Variants in DMD observed in about 807,000 individuals in gnomAD.
The protein encoded by DMD is mutant dystrophin.
A neutral mutation model predicts 330.1 loss-of-function variants in DMD; 63 were observed. That is an observed-to-expected ratio of 0.19 (90% CI 0.16 to 0.24). DMD has a LOEUF of 0.24. Among genes scored for constraint, DMD ranks in the 10% least tolerant of loss-of-function variants. The probability of loss-of-function intolerance (pLI) is 1.00; values close to 1 mark genes in which losing one functional copy is unlikely to be tolerated. For missense variants in DMD, 3,344 were observed against 2,684.1 expected (o/e 1.25, Z -5.43); for synonymous variants, 1,223 against 959.8 (o/e 1.27, Z -5.07).
At chrX:32,200,980 C>T (rs2097033052) in intron 44 of DMD, among the ~76,000 whole-genome samples, 1 of 111,288 alleles carries the variant, frequency 9.0e-6, no homozygotes, top group African/African-American at 3.3e-5. Context: ...CTCTCACTAC[C>T]AAATCCTGGA....
chrX:32,241,727 CAT>C (rs1314544977), intron 43 of DMD, among the ~76,000 whole-genome samples: 4 of 112,449 alleles, frequency 3.6e-5, no homozygotes, highest in Non-Finnish European at 5.6e-5. Context: ...TTGTCATCAA[CAT>C]ATATTTCTGT....
chrX:31,398,099 C>T (rs937053331), intron 60 of DMD, among the ~76,000 whole-genome samples: 5 of 112,288 alleles, frequency 4.5e-5, no homozygotes, highest in Admixed American at 9.4e-5. Context: ...GAGGATTATA[C>T]GCTTCATCTC....
At chrX:31,611,897 G>T (rs1471074250) in intron 55 of DMD, among the ~76,000 whole-genome samples, 1 of 111,088 alleles carries the variant, frequency 9.0e-6, no homozygotes, top group Non-Finnish European at 1.9e-5. Context: ...GTACATAGTA[G>T]GTGCATATAT....
In DMD at chrX:33,128,361, C is replaced by T. The variant is rs7050537; in HGVS notation, c.31+82921G>A. ...AGACAAACACACAATCTTTTTGCAC[C>T]TGTTTCTTCCACTCCGGTTGCCGTG... On this transcript the variant is annotated intron_variant, in intron 1 of 78. Coordinates refer to ENST00000357033, the MANE Select transcript of DMD (RefSeq NM_004006.3). The T allele has an allele frequency of 2.8e-3, 2,835 of 1,023,664 alleles. 57 individuals carry two copies. The African/African-American group carries it at 0.049, about 18-fold the overall frequency. 84.4% of individuals were successfully genotyped at this position (1,023,664 alleles called of 1,213,427 possible).
At chrX:32,337,308 G>A (rs895460045) in intron 41 of DMD, among the ~76,000 whole-genome samples, 10 of 109,484 alleles carry the variant, frequency 9.1e-5, no homozygotes, top group African/African-American at 1.3e-4. Flanking sequence ...GCCAATTAAC[G>A]TAGATGGGGG....
intron 2 of DMD, among the ~76,000 whole-genome samples, chrX:32,964,691 G>A (rs1345235767): frequency 1.8e-5 from 2 of 111,676 alleles, no homozygotes; most frequent in African/African-American, 6.5e-5. Flanking sequence ...CTGGGTGACA[G>A]AGCAAGACTC....
At chrX:32,287,780 A>C in intron 42 of DMD, 79 bp from the exon 43 acceptor site, 5 of 658,254 alleles carry the variant, frequency 7.6e-6, no homozygotes, top group Admixed American at 4.3e-5. Flanking sequence ...TATATATACA[A>C]ATCCCAAAGG....
intron 44 of DMD, among the ~76,000 whole-genome samples, chrX:32,066,125 A>G (rs977256224): frequency 2.7e-5 from 3 of 111,480 alleles, no homozygotes; most frequent in South Asian, 3.7e-4. Context: ...TAATTGTTCA[A>G]TATTTGTTCC....
intron 1 of DMD, among the ~76,000 whole-genome samples, chrX:33,271,388 T>G (rs905128806): frequency 9.0e-6 from 1 of 111,318 alleles, no homozygotes; most frequent in African/African-American, 3.3e-5. Context: ...GCTGAATATT[T>G]TTTAAGCACT....
intron 33 of DMD, 149 bp from the exon 34 acceptor site, chrX:32,380,829 T>A: frequency 2.0e-6 from 1 of 506,688 alleles, no homozygotes; most frequent in Admixed American, 4.0e-5. Flanking sequence ...AATCATATAT[T>A]CTGAATATTA....
intron 43 of DMD, among the ~76,000 whole-genome samples, chrX:32,228,338 A>G (rs2097155699): frequency 9.0e-6 from 1 of 111,564 alleles, no homozygotes; most frequent in Admixed American, 9.6e-5. Context: ...GATATTTGAA[A>G]ATTCCATCAT....
At chrX:32,502,955 T>A (rs2044210163) in intron 18 of DMD, among the ~76,000 whole-genome samples, 1 of 111,581 alleles carries the variant, frequency 9.0e-6, no homozygotes, top group Non-Finnish European at 1.9e-5. Context: ...ATTCAGCACT[T>A]GAAAGGTGGT....
At chrX:33,105,825 G>A (rs1025833797) in intron 1 of DMD, among the ~76,000 whole-genome samples, 1 of 111,674 alleles carries the variant, frequency 9.0e-6, no homozygotes, top group African/African-American at 3.2e-5. Context: ...ACTGCTGGTG[G>A]AAGTGTAAAT....
chrX:31,772,536 ACTACAT>A (rs1434143760), intron 51 of DMD, among the ~76,000 whole-genome samples: 27 of 112,272 alleles, frequency 2.4e-4, no homozygotes, highest in African/African-American at 8.4e-4. Context: ...TCTGACATAG[ACTACAT>A]CTACATCTAC....
chrX:32,309,163 C>T (rs2097551485), intron 42 of DMD, among the ~76,000 whole-genome samples: 1 of 111,068 alleles, frequency 9.0e-6, no homozygotes, highest in African/African-American at 3.3e-5. Flanking sequence ...ACTGCAACAC[C>T]GATTTCCAAA....
chrX:31,833,281 AGAGAGAGAGAGGGAGAGAGGGAGAGAGG>A, intron 49 of DMD, among the ~76,000 whole-genome samples: 1 of 44,303 alleles, frequency 2.3e-5, no homozygotes, highest in African/African-American at 1.8e-4. Flanking sequence ...GGGGAGAGAG[AGAGAGAGAGAGGGAGAGAGGGAGAGAGG>A]GAGAGAGGGA....
chrX:32,049,433 A>G (rs1214096368), intron 44 of DMD, among the ~76,000 whole-genome samples: 1 of 111,548 alleles, frequency 9.0e-6, no homozygotes, highest in Non-Finnish European at 1.9e-5. Context: ...TAGTGCATAT[A>G]TAATTACTAA....
intron 30 of DMD, among the ~76,000 whole-genome samples, chrX:32,407,879 A>C (rs2098124929): frequency 9.6e-6 from 1 of 104,667 alleles, no homozygotes; most frequent in African/African-American, 3.5e-5. Flanking sequence ...AAGGACAAAA[A>C]ACCAAACACC....
rs762838729 is a variant in DMD, at chrX:31,595,519, T to C, written c.8217+32154A>G. Reference sequence around the variant, plus strand: ...GACATTGAGTAGTGCTTTCGGCTAATTGGCAGTACATTCCTTCCAAAATTT... The same window carrying C: ...GACATTGAGTAGTGCTTTCGGCTAACTGGCAGTACATTCCTTCCAAAATTT... On this transcript the variant is annotated intron_variant, in intron 55 of 78. Coordinates refer to ENST00000357033, the MANE Select transcript of DMD (RefSeq NM_004006.3). Among the ~76,000 whole-genome samples, 5 of 111,387 alleles carry C rather than the reference T, an allele frequency of 4.5e-5. No homozygotes were observed. In the Admixed American group the frequency reaches 4.8e-4, roughly 11 times the overall value.
Sources: allele counts gnomAD v4.1 joint callset (sites outside exome capture counted in the v4.1 genomes callset), GRCh38; gene constraint gnomAD v4.1.1; transcripts MANE v1.5; gene names NCBI Gene and HGNC (gene_info 2026-07-23, HGNC 2026-07-21).